The following FBXW11 variants were observed in gnomAD, a reference collection of about 807,000 sequenced individuals.
FBXW11 encodes F-box/WD repeat-containing protein 11.
Under a neutral mutation model 77.6 loss-of-function variants are expected in FBXW11, and 19 were observed. That is an observed-to-expected ratio of 0.24 (90% CI 0.17 to 0.36). The LOEUF (loss-of-function observed/expected upper bound fraction) is 0.36. Among genes scored for constraint, FBXW11 ranks in the 10% least tolerant of loss-of-function variants. The pLI is 1.00. For synonymous variants in FBXW11, 235 were observed against 249.4 expected, an observed-to-expected ratio of 0.94 and a Z score of 0.54; for missense variants, 334 against 704.2, an observed-to-expected ratio of 0.47 and a Z score of 5.95.
intron 1 of FBXW11, among the ~76,000 whole-genome samples, chr5:171,965,861 AG>A: frequency 6.6e-6 from 1 of 152,166 alleles, no homozygotes; most frequent in East Asian, 1.9e-4. Context: ...CCCACGTGTC[AG>A]GGGAGGGGCC....
intron 1 of FBXW11, among the ~76,000 whole-genome samples, chr5:171,982,821 G>GA (rs1385700457): frequency 6.6e-6 from 1 of 152,004 alleles, no homozygotes; most frequent in East Asian, 1.9e-4. Context: ...GACCTGACCC[G>GA]AGGCACGACT....
intron 4 of FBXW11, among the ~76,000 whole-genome samples, chr5:171,907,421 A>C (rs998183332): frequency 1.3e-5 from 2 of 152,168 alleles, no homozygotes; most frequent in African/African-American, 4.8e-5. Flanking sequence ...TGCTCCACAC[A>C]TTATTAAATC....
chr5:171,887,271 A>G (rs962210772), intron 7 of FBXW11, among the ~76,000 whole-genome samples: 2 of 152,192 alleles, frequency 1.3e-5, no homozygotes, highest in Admixed American at 1.3e-4. Context: ...CTTTTGGCAA[A>G]CACTGCCATA....
chr5:171,914,837 AAGCC>A (rs1205036056), intron 2 of FBXW11, among the ~76,000 whole-genome samples: 2 of 152,170 alleles, frequency 1.3e-5, no homozygotes, highest in African/African-American at 4.8e-5. Flanking sequence ...AAAGCCTTGG[AAGCC>A]CCCCTGCCTT....
intron 7 of FBXW11, among the ~76,000 whole-genome samples, chr5:171,879,316 C>T (rs1758348800): frequency 6.6e-6 from 1 of 152,128 alleles, no homozygotes; most frequent in Non-Finnish European, 1.5e-5. Flanking sequence ...AAAATTATCC[C>T]ACTGTCTAGA....
chr5:171,878,275 A>C, intron 7 of FBXW11, 146 bp from the exon 8 acceptor site: 3 of 624,396 alleles, frequency 4.8e-6, no homozygotes, highest in South Asian at 2.0e-5. Flanking sequence ...CAGGTAAGAA[A>C]TGACAAGAAG....
chr5:171,933,593 A>G (rs1467666037), intron 2 of FBXW11, among the ~76,000 whole-genome samples: 2 of 152,122 alleles, frequency 1.3e-5, no homozygotes, highest in South Asian at 2.1e-4. Flanking sequence ...TTGTGTGTGT[A>G]TGTGGGTAGA....
At chr5:171,960,253 T>C (rs956769895) in intron 1 of FBXW11, among the ~76,000 whole-genome samples, 68 of 152,148 alleles carry the variant, frequency 4.5e-4, no homozygotes, top group African/African-American at 1.6e-3. Context: ...TATGCACCCA[T>C]AGTACCAGCT....
intron 1 of FBXW11, chr5:171,997,025 C>T (rs1766093604): frequency 7.8e-7 from 1 of 1,289,688 alleles, no homozygotes; most frequent in African/African-American, 1.5e-5. Context: ...CTTTCTTCAA[C>T]AAAATCCCAA....
chr5:171,893,838 A>G (rs2113855444), intron 6 of FBXW11, among the ~76,000 whole-genome samples: 1 of 152,322 alleles, frequency 6.6e-6, no homozygotes, highest in South Asian at 2.1e-4. Context: ...AGCTGTTCTT[A>G]GGTTTAAGAG....
At position 171,957,707 on chromosome 5, in the gene FBXW11, T is replaced by G. The variant is rs768822928; in HGVS notation, c.46-9A>C. 1 of 1,612,440 alleles carries G rather than the reference T, an allele frequency of 6.2e-7. No individual in the cohort carries two copies. Among genetic ancestry groups the G allele is most frequent in the Admixed American group, 1.7e-5 (1 of 59,990 alleles). On this transcript the variant is annotated splice_polypyrimidine_tract_variant and intron_variant, in intron 1 of 13. Coordinates refer to ENST00000517395, the MANE Select transcript of FBXW11 (RefSeq NM_001378974.1). ...GACCTTGGCACAGAACACTGCAGGATGACAAAAAGGAAGGAAGAGAAGAAG... is the reference window on the plus strand; with the variant it reads ...GACCTTGGCACAGAACACTGCAGGAGGACAAAAAGGAAGGAAGAGAAGAAG...
At chr5:172,000,848 A>C (rs1766372008) in intron 1 of FBXW11, among the ~76,000 whole-genome samples, 1 of 152,200 alleles carries the variant, frequency 6.6e-6, no homozygotes, top group South Asian at 2.1e-4. Context: ...ATACAAACTC[A>C]GGTGTTTCAC....
At chr5:171,978,812 C>T (rs1210714658) in intron 1 of FBXW11, among the ~76,000 whole-genome samples, 4 of 152,220 alleles carry the variant, frequency 2.6e-5, no homozygotes, top group African/African-American at 9.6e-5. Flanking sequence ...CAGAGCAGAA[C>T]TACAGCTAAT....
chr5:171,883,809 G>A (rs1221701261), intron 7 of FBXW11, among the ~76,000 whole-genome samples: 1 of 152,082 alleles, frequency 6.6e-6, no homozygotes, highest in African/African-American at 2.4e-5. Flanking sequence ...CTTCTTTTGA[G>A]AATTGTCTGT....
chr5:171,964,107 A>G (rs910792268), intron 1 of FBXW11, among the ~76,000 whole-genome samples: 1 of 152,206 alleles, frequency 6.6e-6, no homozygotes, highest in African/African-American at 2.4e-5. Context: ...CTCTTCGAGA[A>G]TCTATAAGAT....
chr5:171,957,643 C>T lies in FBXW11; in HGVS notation c.101G>A (p.Cys34Tyr). 2 of 1,614,176 alleles carry T rather than the reference C, an allele frequency of 1.2e-6. No individual in the cohort carries two copies. The highest frequency in any genetic ancestry group is 1.7e-6 in the Non-Finnish European group (2 of 1,180,016). Residue 34 changes from cysteine (C) to tyrosine (Y), a missense_variant, in exon 2 of 14, where the codon TGC (cysteine) becomes TAC (tyrosine). By Grantham distance (194) the Cys-to-Tyr change is radical. Around this residue, in one of 10 missense-constraint regions of FBXW11, gnomAD observed 80 missense variants for 105.1 expected, o/e 0.76. Transcript: ENST00000517395. ...CATGCTCTGCAGGCAACTCAGTGCGCACATGCTCTCTACCAGGTTGGCGCA... is the reference window on the plus strand; with the variant it reads ...CATGCTCTGCAGGCAACTCAGTGCGTACATGCTCTCTACCAGGTTGGCGCA... ...LGCANLVESM[C>Y]ALSCLQSMPS...
At chr5:171,903,494 A>G (rs1760273661) in intron 4 of FBXW11, among the ~76,000 whole-genome samples, 1 of 152,078 alleles carries the variant, frequency 6.6e-6, no homozygotes, top group Non-Finnish European at 1.5e-5. Context: ...AGGATTGACA[A>G]ATTATTCATC....
At position 171,876,586 on chromosome 5, in the gene FBXW11, T is replaced by C. The variant is rs371553236; in HGVS notation, c.972-52A>G. 2.1e-4 allele frequency: 334 copies of C among 1,595,146 alleles called. No individual in the cohort carries two copies. The highest frequency in any genetic ancestry group is 2.7e-4 in the Non-Finnish European group (319 of 1,166,944). On this transcript the variant is annotated intron_variant, in intron 8 of 13. Transcript: ENST00000517395. The surrounding 1 kb of genome is among the most constrained non-coding windows in gnomAD (Gnocchi z 4.2). Reference sequence around the variant, plus strand: ...CTTAATTATGGAGACAGCCAGGAAATGATTCTGGTATCTGAGCTCTGTCTG... The same window carrying C: ...CTTAATTATGGAGACAGCCAGGAAACGATTCTGGTATCTGAGCTCTGTCTG...
At chr5:171,944,525 G>A (rs1470731596) in intron 2 of FBXW11, among the ~76,000 whole-genome samples, 4 of 146,220 alleles carry the variant, frequency 2.7e-5, no homozygotes, top group Non-Finnish European at 4.5e-5. Flanking sequence ...TGCAGTGAGC[G>A]GAGATCGCGC....
Sources: gnomAD v4.1 joint callset for allele counts (sites outside exome capture counted in the v4.1 genomes callset) on GRCh38, gnomAD v4.1.1 for gene constraint, gnomAD v4.1.1 regional missense constraint, Gnocchi (gnomAD v3.1) non-coding constraint, MANE v1.5 for transcripts, NCBI Gene and HGNC (gene_info 2026-07-23, HGNC 2026-07-21) for gene names.